DDX25: variants seen among roughly 807,000 people sequenced by gnomAD.
DDX25 encodes the protein DEAD-box helicase 25.
DDX25 carries 70 observed loss-of-function variants against 64.6 expected under a neutral mutation model. That is an observed-to-expected ratio of 1.08 (90% confidence interval 0.89 to 1.32). The LOEUF is 1.32. Among genes scored for constraint, DDX25 ranks in the 40% most tolerant of loss-of-function variants. The pLI is 0.00. For missense variants in DDX25, 587 were observed against 604.4 expected (o/e 0.97, Z 0.30); for synonymous variants, 211 against 213.3 (o/e 0.99, Z 0.09).
In DDX25 at chr11:125,923,038, T is replaced by A. The variant is rs949118566; in HGVS notation, c.*157T>A. The A allele has an allele frequency of 1.6e-6, 1 of 613,366 alleles. No individual in the cohort carries two copies. The highest frequency in any genetic ancestry group is 1.9e-5 in the African/African-American group (1 of 53,728). The allele number at this position is 613,366 out of a possible 1,614,324, so 38.0% of individuals were successfully genotyped here. On this transcript the variant is annotated 3_prime_UTR_variant, in exon 12 of 12. Transcript: ENST00000263576. ...TACTTAGTTTTAAGACATGAGGTCT[T>A]TTTGAAGCCAAATTGATGTGAAGCT...
upstream of DDX25, chr11:125,904,430 G>A (rs1944845513): frequency 7.9e-7 from 1 of 1,262,200 alleles, no homozygotes; most frequent in Admixed American, 4.1e-5. Flanking sequence ...TGCCCCCTAA[G>A]GAAGCCCATT....
chr11:125,925,317 T>C lies in DDX25; in HGVS notation c.*2436T>C, dbSNP rs966889560. ...CAGGTCTGCATGAACCAGGTATTTT[T>C]CTGCGTTCCCTTTTGCCCCCTCCTC... On this transcript the variant is annotated 3_prime_UTR_variant, in exon 12 of 12. Coordinates refer to ENST00000263576, the MANE Select transcript of DDX25 (RefSeq NM_013264.5). The C allele has an allele frequency of 2.3e-6, 1 of 432,084 alleles. No homozygotes were observed. The highest frequency in any genetic ancestry group is 4.9e-4 in the Middle Eastern group (1 of 2,056). The allele number at this position is 432,084 out of a possible 1,614,324, so 26.8% of individuals were successfully genotyped here. A position where few individuals can be genotyped will look rare whatever the true frequency, so the allele number is the denominator to read the frequency against.
At chr11:125,922,739 C>A in intron 11 of DDX25, 81 bp from the exon 12 acceptor site, 2 of 1,330,720 alleles carry the variant, frequency 1.5e-6, no homozygotes, top group South Asian at 2.9e-5. Context: ...CGAGGTATCA[C>A]TGTCTTCAGA....
At position 125,925,452 on chromosome 11, in the gene DDX25, C is replaced by T. The variant is rs1207629844; in HGVS notation, c.*2571C>T. 2.2e-6 allele frequency: 1 copy of T among 456,164 alleles called. No individual in the cohort carries two copies. Among genetic ancestry groups the T allele is most frequent in the Non-Finnish European group, 4.4e-6 (1 of 226,942 alleles). 28.3% of individuals were successfully genotyped at this position (456,164 alleles called of 1,614,324 possible). A position where few individuals can be genotyped will look rare whatever the true frequency, so the allele number is the denominator to read the frequency against. The stretch of plus-strand genomic sequence containing the variant: ...TCAACAATCCAAAGGCTGTTTTTTG[C>T]AGGGTGCAGCTCCTGTCAGAGCTGT... On this transcript the variant is annotated 3_prime_UTR_variant, in exon 12 of 12. Coordinates refer to ENST00000263576, the MANE Select transcript of DDX25 (RefSeq NM_013264.5).
At position 125,926,290 on chromosome 11, in the gene DDX25, G is replaced by A. The variant is rs1945166947; in HGVS notation, c.*3409G>A. The A allele has an allele frequency of 6.6e-6, 1 of 152,282 alleles. No homozygotes were observed. The highest frequency in any genetic ancestry group is 1.5e-5 in the Non-Finnish European group (1 of 68,126). 9.4% of individuals were successfully genotyped at this position (152,282 alleles called of 1,614,324 possible). A position where few individuals can be genotyped will look rare whatever the true frequency, so the allele number is the denominator to read the frequency against. ...CTGGCACATACTGCTTTTCCCAAGG[G>A]AGTAACAGAAAGGTCAGATCCTCTT... On this transcript the variant is annotated 3_prime_UTR_variant, in exon 12 of 12. Coordinates refer to ENST00000263576, the MANE Select transcript of DDX25 (RefSeq NM_013264.5).
At position 125,911,482 on chromosome 11, in the gene DDX25, T is replaced by C; in HGVS notation, c.794T>C (p.Ile265Thr). 6.2e-7 allele frequency: 1 copy of C among 1,613,658 alleles called. No homozygotes were observed. The highest frequency in any genetic ancestry group is 8.5e-7 in the Non-Finnish European group (1 of 1,179,730). The change falls in exon 8 of 12, where the codon ATT (isoleucine) becomes ACT (threonine). Residue 265 changes from isoleucine to threonine, a missense_variant. Physicochemically the swap from Ile to Thr is moderately conservative, Grantham distance 89. Coordinates refer to ENST00000263576, the MANE Select transcript of DDX25 (RefSeq NM_013264.5). Reference sequence around the variant, plus strand: ...GGATTCTCAGATCATAGTATTCGTATTCAAAGGTAATCTTCAGAGTCTTCC... The same window carrying C: ...GGATTCTCAGATCATAGTATTCGTACTCAAAGGTAATCTTCAGAGTCTTCC... Reference protein sequence around the residue: ...TQGFSDHSIRIQRALPSECQM... With the variant: ...TQGFSDHSIRTQRALPSECQM...
At chr11:125,907,381 G>T (rs1448679016) in intron 4 of DDX25, among the ~76,000 whole-genome samples, 1 of 152,114 alleles carries the variant, frequency 6.6e-6, no homozygotes, top group South Asian at 2.1e-4. Flanking sequence ...GGCCAAGGGG[G>T]GCGGATCACG....
intron 8 of DDX25, among the ~76,000 whole-genome samples, chr11:125,911,800 G>A (rs1311511227): frequency 6.6e-6 from 1 of 152,182 alleles, no homozygotes; most frequent in Non-Finnish European, 1.5e-5. Flanking sequence ...ATTCTAAAGA[G>A]GATCTGTTAA....
chr11:125,908,803 A>T (rs1162468150), intron 6 of DDX25, among the ~76,000 whole-genome samples: 1 of 152,208 alleles, frequency 6.6e-6, no homozygotes, highest in African/African-American at 2.4e-5. Flanking sequence ...AAAGGAATGT[A>T]TCATAGTTGA....
chr11:125,923,575 G>A lies in DDX25; in HGVS notation c.*694G>A, dbSNP rs1041088396. The stretch of plus-strand genomic sequence containing the variant: ...ATGGGCATTTCTTAAAAGCAGTCGG[G>A]AGGGTAAAAAAAAAACCCACATACC... On this transcript the variant is annotated 3_prime_UTR_variant, in exon 12 of 12. Coordinates refer to ENST00000263576, the MANE Select transcript of DDX25 (RefSeq NM_013264.5). 1.2e-5 allele frequency: 1 copy of A among 80,876 alleles called. No homozygotes were observed. Among genetic ancestry groups the A allele is most frequent in the Non-Finnish European group, 2.6e-5 (1 of 38,346 alleles). 5.0% of individuals were successfully genotyped at this position (80,876 alleles called of 1,614,324 possible). A position where few individuals can be genotyped will look rare whatever the true frequency, so the allele number is the denominator to read the frequency against.
rs1160189853 is a variant in DDX25, at chr11:125,923,770, G to A, written c.*889G>A. 6.6e-6 allele frequency: 1 copy of A among 152,142 alleles called. No individual in the cohort carries two copies. The highest frequency in any genetic ancestry group is 1.5e-5 in the Non-Finnish European group (1 of 68,032). 9.4% of individuals were successfully genotyped at this position (152,142 alleles called of 1,614,324 possible). A position where few individuals can be genotyped will look rare whatever the true frequency, so the allele number is the denominator to read the frequency against. Reference sequence around the variant, plus strand: ...TGAGCTTGAGAAGATGGGGTAAATGGAGAGTCCCCCAGAAAGCCGGAGCGG... The same window carrying A: ...TGAGCTTGAGAAGATGGGGTAAATGAAGAGTCCCCCAGAAAGCCGGAGCGG... On this transcript the variant is annotated 3_prime_UTR_variant, in exon 12 of 12. Coordinates refer to ENST00000263576, the MANE Select transcript of DDX25 (RefSeq NM_013264.5).
intron 1 of DDX25, 35 bp from the exon 2 acceptor site, chr11:125,905,177 T>A: frequency 6.5e-7 from 1 of 1,548,380 alleles, no homozygotes; most frequent in East Asian, 2.4e-5. Context: ...AGGGCTTGCA[T>A]CCTAATATTG....
In DDX25 at chr11:125,925,359, C is replaced by T. The variant is rs957604834; in HGVS notation, c.*2478C>T. The stretch of plus-strand genomic sequence containing the variant: ...CCCCTCCTCACGTCCCTTTGTCTCA[C>T]CACCTAGGAGGCAGCAAAGCCATCC... On this transcript the variant is annotated 3_prime_UTR_variant, in exon 12 of 12. Coordinates refer to ENST00000263576, the MANE Select transcript of DDX25 (RefSeq NM_013264.5). The T allele has an allele frequency of 6.6e-6, 3 of 454,070 alleles. No homozygotes were observed. In the Admixed American group the frequency reaches 7.1e-5, roughly 11 times the overall value. The allele number at this position is 454,070 out of a possible 1,614,324, so 28.1% of individuals were successfully genotyped here. A position where few individuals can be genotyped will look rare whatever the true frequency, so the allele number is the denominator to read the frequency against.
chr11:125,920,212 G>T (rs568633898), intron 10 of DDX25, among the ~76,000 whole-genome samples: 2 of 152,304 alleles, frequency 1.3e-5, no homozygotes, highest in African/African-American at 4.8e-5. Flanking sequence ...CGAGGCGGGT[G>T]GATTGCTTAA....
At chr11:125,916,967 A>G in intron 8 of DDX25, 47 bp from the exon 9 acceptor site, 1 of 1,531,432 alleles carries the variant, frequency 6.5e-7, no homozygotes, top group Non-Finnish European at 8.9e-7. Flanking sequence ...CTTGAAGAAG[A>G]GTGATGGGAT....
chr11:125,918,320 G>A (rs1425899585), intron 9 of DDX25, among the ~76,000 whole-genome samples: 1 of 152,222 alleles, frequency 6.6e-6, no homozygotes, highest in African/African-American at 2.4e-5. Context: ...AGTGTCTGTT[G>A]TTGCCATTGT....
intron 4 of DDX25, among the ~76,000 whole-genome samples, chr11:125,907,393 G>T (rs1488072302): frequency 2.6e-5 from 4 of 152,150 alleles, no homozygotes; most frequent in Admixed American, 1.3e-4. Context: ...CGGATCACGA[G>T]GTCAGGAGAT....
rs560233683 is a variant in DDX25 at position 125,921,891 on chromosome 11, A to G, written c.1390+512A>G. 6.5e-6 allele frequency: 1 copy of G among 153,108 alleles called. No individual in the cohort carries two copies. Among genetic ancestry groups the G allele is most frequent in the African/African-American group, 2.4e-5 (1 of 41,590 alleles). The allele number at this position is 153,108 out of a possible 1,614,324, so 9.5% of individuals were successfully genotyped here. On this transcript the variant is annotated intron_variant, in intron 11 of 11. Coordinates refer to ENST00000263576, the MANE Select transcript of DDX25 (RefSeq NM_013264.5). This position sits in a 1 kb window ranked among gnomAD's most constrained non-coding sequence, Gnocchi z 4.1. ...CGAAAGAGTGAGACTGCGTCTCAAAAAAATAAAATTTGAGCTCAGATTTAC... is the reference window on the plus strand; with the variant it reads ...CGAAAGAGTGAGACTGCGTCTCAAAGAAATAAAATTTGAGCTCAGATTTAC...
chr11:125,916,999 T>G lies in DDX25; in HGVS notation c.801-15T>G. The G allele has an allele frequency of 1.9e-6, 3 of 1,572,510 alleles. No individual in the cohort carries two copies. The highest frequency in any genetic ancestry group is 2.6e-6 in the Non-Finnish European group (3 of 1,157,426). ...GGATGGCAGCTTGGTGACAGCCTTCTCTCCTCTATCACAGAGCTCTACCCT... is the reference window on the plus strand; with the variant it reads ...GGATGGCAGCTTGGTGACAGCCTTCGCTCCTCTATCACAGAGCTCTACCCT... On this transcript the variant is annotated splice_polypyrimidine_tract_variant and intron_variant, in intron 8 of 11. Transcript: ENST00000263576.
Sources: allele counts gnomAD v4.1 joint callset (sites outside exome capture counted in the v4.1 genomes callset), GRCh38; gene constraint gnomAD v4.1.1; non-coding constraint Gnocchi (gnomAD v3.1); transcripts MANE v1.5; gene names NCBI Gene and HGNC (gene_info 2026-07-23, HGNC 2026-07-21).